ANKRD30A: variants seen among roughly 807,000 people sequenced by gnomAD.
ANKRD30A encodes ankyrin repeat domain-containing protein 30A.
ANKRD30A carries 170 observed loss-of-function variants against 166.3 expected under a neutral mutation model. The observed-to-expected ratio is 1.02, with a 90% CI of 0.90 to 1.16. ANKRD30A has a LOEUF of 1.16. Among genes scored for constraint, ANKRD30A ranks in the 50% most tolerant of loss-of-function variants. The pLI is 0.00. For synonymous variants in ANKRD30A, 564 were observed against 508.9 expected (o/e 1.11, Z -1.46); for missense variants, 1,630 against 1,518.0 (o/e 1.07, Z -1.23).
chr10:37,230,396 GT>G (rs1843366675), intron 34 of ANKRD30A, among the ~76,000 whole-genome samples: 1 of 151,976 alleles, frequency 6.6e-6, no homozygotes, highest in Admixed American at 6.6e-5. Context: ...CCTTCAAAGT[GT>G]TTGTCCAGGA....
At chr10:37,145,735 A>C (rs749765110) in intron 8 of ANKRD30A, among the ~76,000 whole-genome samples, 8 of 152,158 alleles carry the variant, frequency 5.3e-5, no homozygotes, top group Non-Finnish European at 1.0e-4. Flanking sequence ...GACGTACAAA[A>C]ATTTTAATTG....
intron 24 of ANKRD30A, among the ~76,000 whole-genome samples, chr10:37,183,974 C>T (rs556535967): frequency 1.3e-5 from 2 of 151,696 alleles, no homozygotes; most frequent in African/African-American, 4.8e-5. Context: ...CGGTGAAACC[C>T]TGTCTCTACT....
rs1837983364 is a variant in ANKRD30A at position 37,152,073 on chromosome 10, A to T, written c.1659A>T (p.Pro553=). ...AACCTTTTATAGATCCGATGTTCCC[A>T]CCAGAATCCAAACAAAAGGACTATG... ...EQTLRADPMF[P]PESKQKDYEE... Residue 553 remains proline, a synonymous_variant, in exon 12 of 36, where the codon CCA becomes CCT. Transcript: ENST00000361713. 7.5e-6 allele frequency: 12 copies of T among 1,609,774 alleles called. No homozygotes were observed. The highest frequency in any genetic ancestry group is 8.5e-6 in the Non-Finnish European group (10 of 1,177,256).
the ANKRD30A span, among the ~76,000 whole-genome samples, chr10:37,250,463 C>G: frequency 1.3e-5 from 2 of 151,970 alleles, no homozygotes; most frequent in African/African-American, 4.8e-5. Context: ...CAGACTCTGA[C>G]GAGGGGTTCA....
chr10:37,157,517 C>T (rs1224978961), intron 13 of ANKRD30A, among the ~76,000 whole-genome samples: 1 of 152,124 alleles, frequency 6.6e-6, no homozygotes, highest in East Asian at 1.9e-4. Context: ...AGGCATGTAC[C>T]ACCATACCTG....
intron 4 of ANKRD30A, among the ~76,000 whole-genome samples, chr10:37,133,375 T>G (rs978442737): frequency 2.6e-5 from 4 of 152,156 alleles, no homozygotes; most frequent in African/African-American, 9.6e-5. Flanking sequence ...TAATACCAAG[T>G]ATGATTTTCT....
chr10:37,194,912 T>C (rs1429579269), intron 27 of ANKRD30A, among the ~76,000 whole-genome samples: 2 of 152,088 alleles, frequency 1.3e-5, no homozygotes, highest in Non-Finnish European at 2.9e-5. Flanking sequence ...GAAATTAAAA[T>C]GAAAATATTT....
chr10:37,158,823 A>C (rs1838595016), intron 15 of ANKRD30A, among the ~76,000 whole-genome samples: 3 of 152,180 alleles, frequency 2.0e-5, no homozygotes, highest in Non-Finnish European at 4.4e-5. Flanking sequence ...ATATCCTGAT[A>C]GTGTAAAGTT....
chr10:37,194,222 C>T (rs1393231897), intron 27 of ANKRD30A, among the ~76,000 whole-genome samples: 1 of 152,074 alleles, frequency 6.6e-6, no homozygotes, highest in Non-Finnish European at 1.5e-5. Context: ...CAAAAGCTCA[C>T]AACATATGTG....
chr10:37,193,964 G>A (rs1026043048), intron 27 of ANKRD30A, among the ~76,000 whole-genome samples: 1 of 152,132 alleles, frequency 6.6e-6, no homozygotes, highest in Non-Finnish European at 1.5e-5. Context: ...GGAGAGAAAG[G>A]CAGACAGATA....
chr10:37,152,888 A>G (rs1267874124), intron 12 of ANKRD30A, among the ~76,000 whole-genome samples: 6 of 152,152 alleles, frequency 3.9e-5, no homozygotes, highest in East Asian at 1.9e-4. Flanking sequence ...CAATAGGTAG[A>G]TTTTATCTGA....
At chr10:37,145,827 G>C (rs78073867) in intron 8 of ANKRD30A, among the ~76,000 whole-genome samples, 1 of 22,848 alleles carries the variant, frequency 4.4e-5, no homozygotes, top group Non-Finnish European at 1.2e-4. Context: ...AATTATTGAC[G>C]TATCTGTATT....
chr10:37,195,545 A>G (rs577021505), intron 27 of ANKRD30A, among the ~76,000 whole-genome samples: 13 of 152,276 alleles, frequency 8.5e-5, no homozygotes, highest in African/African-American at 2.2e-4. Context: ...ACCTAATATA[A>G]TTGTCAACCA....
chr10:37,164,760 A>G (rs1032843202), intron 17 of ANKRD30A, among the ~76,000 whole-genome samples: 6 of 152,134 alleles, frequency 3.9e-5, no homozygotes, highest in African/African-American at 1.4e-4. Flanking sequence ...GAGAGATGAT[A>G]GGTAATTACA....
At chr10:37,192,932 A>G (rs1840719369) in intron 25 of ANKRD30A, 132 bp from the exon 26 acceptor site, 2 of 1,473,488 alleles carry the variant, frequency 1.4e-6, no homozygotes, top group Non-Finnish European at 1.9e-6. Context: ...AACCCAAAAG[A>G]CCCCAAAAGC....
intron 31 of ANKRD30A, among the ~76,000 whole-genome samples, chr10:37,213,655 T>G (rs1842459419): frequency 6.6e-6 from 1 of 151,238 alleles, no homozygotes; most frequent in Non-Finnish European, 1.5e-5. Flanking sequence ...TTAATTTAAG[T>G]GCTGTTGTAG....
the ANKRD30A span, among the ~76,000 whole-genome samples, chr10:37,255,358 C>T: frequency 3.2e-4 from 49 of 152,204 alleles, no homozygotes; most frequent in East Asian, 8.5e-3. Context: ...CCAGATTTCA[C>T]TCCTACCCAA....
chr10:37,237,486 C>A (rs1308691264), downstream of ANKRD30A, among the ~76,000 whole-genome samples: 1 of 152,066 alleles, frequency 6.6e-6, no homozygotes, highest in African/African-American at 2.4e-5. Flanking sequence ...CTCTGTAGTA[C>A]CTTAGATTTC....
chr10:37,167,743 TC>T (rs1244961216), intron 19 of ANKRD30A, among the ~76,000 whole-genome samples: 1 of 151,508 alleles, frequency 6.6e-6, no homozygotes, highest in Non-Finnish European at 1.5e-5. Flanking sequence ...GGTATGAAAA[TC>T]AAGGAATATT....
Sources: allele counts gnomAD v4.1 joint callset (sites outside exome capture counted in the v4.1 genomes callset), GRCh38; gene constraint gnomAD v4.1.1; transcripts MANE v1.5; gene names NCBI Gene and HGNC (gene_info 2026-07-23, HGNC 2026-07-21).